The following AGBL4 variants were observed in gnomAD, a reference collection of about 807,000 sequenced individuals.
AGBL4 encodes the protein cytosolic carboxypeptidase 6.
Under a neutral mutation model 66.4 loss-of-function variants are expected in AGBL4, and 58 were observed. That is an observed-to-expected ratio of 0.87 (90% CI 0.71 to 1.09). The LOEUF (loss-of-function observed/expected upper bound fraction) is 1.09. Ranked by LOEUF, AGBL4 falls within the 50% of genes least tolerant of loss-of-function variation. AGBL4 has a pLI of 0.00. For synonymous variants in AGBL4, 234 were observed against 222.9 expected, an observed-to-expected ratio of 1.05 and a Z score of -0.44; for missense variants, 579 against 631.0, an observed-to-expected ratio of 0.92 and a Z score of 0.88.
intron 5 of AGBL4, among the ~76,000 whole-genome samples, chr1:48,876,203 G>A (rs1380416356): frequency 1.3e-5 from 2 of 152,124 alleles, no homozygotes; most frequent in African/African-American, 4.8e-5. Context: ...AAGTCTCCTG[G>A]CAGTGTGGGC....
intron 6 of AGBL4, among the ~76,000 whole-genome samples, chr1:48,700,102 T>C (rs1335707097): frequency 6.6e-6 from 1 of 152,196 alleles, no homozygotes; most frequent in East Asian, 1.9e-4. Flanking sequence ...TTAACTCCTC[T>C]GTGCCCCTTT....
chr1:48,631,454 A>G (rs1362042552), intron 9 of AGBL4, among the ~76,000 whole-genome samples: 1 of 152,148 alleles, frequency 6.6e-6, no homozygotes, highest in African/African-American at 2.4e-5. Context: ...GCAGTGGCGC[A>G]GTCTTGGCTC....
intron 2 of AGBL4, among the ~76,000 whole-genome samples, chr1:49,732,214 G>T (rs1649509911): frequency 6.6e-6 from 1 of 152,176 alleles, no homozygotes; most frequent in Non-Finnish European, 1.5e-5. Flanking sequence ...CTAAGACTGT[G>T]TACATCCACA....
At chr1:49,298,348 C>A in intron 3 of AGBL4, among the ~76,000 whole-genome samples, 1 of 152,332 alleles carries the variant, frequency 6.6e-6, no homozygotes, top group Middle Eastern at 3.4e-3. Flanking sequence ...CTCCCCTCTC[C>A]CCCCAGGTTC....
At chr1:48,783,767 A>G (rs1557991696) in intron 6 of AGBL4, among the ~76,000 whole-genome samples, 1 of 151,916 alleles carries the variant, frequency 6.6e-6, no homozygotes, top group African/African-American at 2.4e-5. Context: ...CTAGGCATTG[A>G]TTTTTTTTGT....
chr1:49,831,787 A>G (rs913090432), intron 2 of AGBL4, among the ~76,000 whole-genome samples: 1 of 152,114 alleles, frequency 6.6e-6, no homozygotes, highest in African/African-American at 2.4e-5. Flanking sequence ...ATGTTCCATC[A>G]ATACCTGGTT....
At chr1:49,317,952 A>T (rs1645068515) in intron 3 of AGBL4, among the ~76,000 whole-genome samples, 1 of 152,028 alleles carries the variant, frequency 6.6e-6, no homozygotes, top group Non-Finnish European at 1.5e-5. Flanking sequence ...AAAAATAGTC[A>T]ATTATTTATT....
intron 3 of AGBL4, among the ~76,000 whole-genome samples, chr1:49,352,658 A>G (rs1292495862): frequency 6.6e-6 from 1 of 152,148 alleles, no homozygotes; most frequent in African/African-American, 2.4e-5. Context: ...TTTGATACCC[A>G]TAGCACCAGG....
At chr1:49,981,916 T>C (rs1405047919) in intron 1 of AGBL4, among the ~76,000 whole-genome samples, 2 of 152,248 alleles carry the variant, frequency 1.3e-5, no homozygotes, top group Non-Finnish European at 2.9e-5. Flanking sequence ...CCTTTTATAA[T>C]TCAAAATCAT....
chr1:49,719,057 A>C (rs1479165025), intron 2 of AGBL4, among the ~76,000 whole-genome samples: 1 of 152,128 alleles, frequency 6.6e-6, no homozygotes, highest in African/African-American at 2.4e-5. Flanking sequence ...GGTCCTTGCA[A>C]GTGGCCCTCT....
chr1:49,013,244 C>T (rs142225148), intron 5 of AGBL4, among the ~76,000 whole-genome samples: 1 of 152,294 alleles, frequency 6.6e-6, no homozygotes, highest in Non-Finnish European at 1.5e-5. Flanking sequence ...GGCAATATGA[C>T]TTGCCTGTGG....
intron 5 of AGBL4, among the ~76,000 whole-genome samples, chr1:48,983,895 G>C (rs1048335866): frequency 6.6e-6 from 1 of 152,086 alleles, no homozygotes; most frequent in African/African-American, 2.4e-5. Context: ...TGAGGAATGA[G>C]GAAGAGAGAG....
At chr1:49,662,333 A>G (rs1045616701) in intron 3 of AGBL4, among the ~76,000 whole-genome samples, 5 of 152,012 alleles carry the variant, frequency 3.3e-5, no homozygotes, top group African/African-American at 1.2e-4. Context: ...GATTTAAAAC[A>G]TTAGCCATAT....
intron 6 of AGBL4, among the ~76,000 whole-genome samples, chr1:48,689,028 C>T (rs1276535190): frequency 1.3e-5 from 2 of 151,410 alleles, no homozygotes; most frequent in African/African-American, 2.4e-5. Flanking sequence ...AAAGAAGATC[C>T]ATTGTGGTGA....
At chr1:49,912,685 C>T (rs773361167) in intron 1 of AGBL4, among the ~76,000 whole-genome samples, 1 of 152,140 alleles carries the variant, frequency 6.6e-6, no homozygotes, top group Non-Finnish European at 1.5e-5. Context: ...TGCTAAATGT[C>T]TTAGTTTATC....
At chr1:49,844,121 T>G (rs1186991284) in intron 2 of AGBL4, among the ~76,000 whole-genome samples, 1 of 152,202 alleles carries the variant, frequency 6.6e-6, no homozygotes, top group African/African-American at 2.4e-5. Context: ...TTCCTCCTAG[T>G]GATGCATGTT....
At chr1:49,159,456 T>C (rs1646498982) in intron 4 of AGBL4, among the ~76,000 whole-genome samples, 1 of 152,200 alleles carries the variant, frequency 6.6e-6, no homozygotes, top group South Asian at 2.1e-4. Context: ...GGGCTTCCCT[T>C]TGTGGGTAAC....
intron 9 of AGBL4, among the ~76,000 whole-genome samples, chr1:48,625,652 C>T (rs1645491973): frequency 6.6e-6 from 1 of 152,064 alleles, no homozygotes; most frequent in African/African-American, 2.4e-5. Flanking sequence ...GGAACTGAGG[C>T]ATAGAGAGTG....
chr1:49,564,425 C>G (rs984771491), intron 3 of AGBL4, among the ~76,000 whole-genome samples: 3 of 152,108 alleles, frequency 2.0e-5, no homozygotes, highest in African/African-American at 7.2e-5. Context: ...ATCTTTCCTG[C>G]TTTCTCTTGT....
Sources: allele counts gnomAD v4.1 joint callset (sites outside exome capture counted in the v4.1 genomes callset), GRCh38; gene constraint gnomAD v4.1.1; transcripts MANE v1.5; gene names NCBI Gene and HGNC (gene_info 2026-07-23, HGNC 2026-07-21).